Variants in RFX1 observed in about 807,000 individuals in gnomAD.
RFX1 encodes the protein regulatory factor X1.
A neutral mutation model predicts 119.6 loss-of-function variants in RFX1; 42 were observed. The observed-to-expected ratio is 0.35, with a 90% CI of 0.27 to 0.45. The LOEUF (loss-of-function observed/expected upper bound fraction) is 0.45. RFX1 is among the 20% of genes least tolerant of loss of function. The pLI is 1.00. For synonymous variants in RFX1, 628 were observed against 618.5 expected (o/e 1.02, Z -0.23); for missense variants, 1,118 against 1,368.1 (o/e 0.82, Z 2.88).
At chr19:13,981,792 G>A (rs554163064) in intron 5 of RFX1, among the ~76,000 whole-genome samples, 1 of 152,332 alleles carries the variant, frequency 6.6e-6, no homozygotes, top group East Asian at 1.9e-4. Flanking sequence ...CACCCTCCGG[G>A]GGGAAGAGGA....
At chr19:13,979,409 G>C in intron 7 of RFX1, 38 bp downstream of exon 7, 1 of 1,436,816 alleles carries the variant, frequency 7.0e-7, no homozygotes, top group East Asian at 2.5e-5. Context: ...CCCGGGACCA[G>C]CCCCTTTGCC....
intron 1 of RFX1, among the ~76,000 whole-genome samples, chr19:13,997,706 C>G (rs1188736438): frequency 6.6e-6 from 1 of 152,216 alleles, no homozygotes; most frequent in Non-Finnish European, 1.5e-5. Flanking sequence ...CTGGCAGGAA[C>G]AGAGCTGACA....
chr19:13,993,651 C>A lies in RFX1; in HGVS notation c.193G>T (p.Ala65Ser). 6.2e-7 allele frequency: 1 copy of A among 1,603,334 alleles called. No individual in the cohort carries two copies. The highest frequency in any genetic ancestry group is 8.5e-7 in the Non-Finnish European group (1 of 1,174,154). The change falls in exon 2 of 21, where the codon GCA becomes TCA. Residue 65 changes from alanine (A) to serine (S), a missense_variant. This residue lies in a region of RFX1 where 542 missense variants were observed against 602.7 expected (regional missense o/e 0.90). Coordinates refer to ENST00000254325, the MANE Select transcript of RFX1 (RefSeq NM_002918.5). ...TGCTTCTGGCCACCCGGTGGCTGTGCCTGGGGCTGGGGGCTCTGCAGCTCG... is the reference window on the plus strand; with the variant it reads ...TGCTTCTGGCCACCCGGTGGCTGTGACTGGGGCTGGGGGCTCTGCAGCTCG... ...VTELQSPQPQ[A>S]QPPGGQKQYV...
At position 13,990,678 on chromosome 19, in the gene RFX1, A is replaced by C. The variant is rs1247956436; in HGVS notation, c.319+2847T>G. Reference sequence around the variant, plus strand: ...TAAAAATACAAAAAATTAGCCAGGCATGGTGGCGGGCACCTATAGTCCCAG... The same window carrying C: ...TAAAAATACAAAAAATTAGCCAGGCCTGGTGGCGGGCACCTATAGTCCCAG... On this transcript the variant is annotated intron_variant, in intron 2 of 20. Transcript: ENST00000254325. The surrounding 1 kb of genome is among the most constrained non-coding windows in gnomAD (Gnocchi z 4.1). Among the ~76,000 whole-genome samples, 10 of 152,050 alleles carry C rather than the reference A, an allele frequency of 6.6e-5. No homozygotes were observed. The highest frequency in any genetic ancestry group is 5.9e-4 in the Admixed American group (9 of 15,256).
At chr19:13,977,707 G>A (rs1199672445) in intron 8 of RFX1, among the ~76,000 whole-genome samples, 3 of 151,292 alleles carry the variant, frequency 2.0e-5, no homozygotes, top group African/African-American at 2.4e-5. Context: ...GTGAGCCACC[G>A]TGCCTGGCCT....
In RFX1 at chr19:13,985,917, G is replaced by A. The variant is rs939255280; in HGVS notation, c.320-2322C>T. On this transcript the variant is annotated intron_variant, in intron 2 of 20. Coordinates refer to ENST00000254325, the MANE Select transcript of RFX1 (RefSeq NM_002918.5). The surrounding 1 kb of genome is among the most constrained non-coding windows in gnomAD (Gnocchi z 4.3). The stretch of plus-strand genomic sequence containing the variant: ...GTGGGAGGTGTTGGGGGAGGCCTCC[G>A]CGTAGCCGCATGTGGGCTGTGGGGC... Among the ~76,000 whole-genome samples, 3 of 152,234 alleles carry A rather than the reference G, an allele frequency of 2.0e-5. No homozygotes were observed. Among genetic ancestry groups the A allele is most frequent in the South Asian group, 2.1e-4 (1 of 4,830 alleles).
Position 13,962,326 on chromosome 19 carries a change from T to C in RFX1, c.*369A>G, listed in dbSNP as rs891090680. The stretch of plus-strand genomic sequence containing the variant: ...TGCAAAGCCAGCGAGCTGAATAAGT[T>C]AACAGTTTCGCACGGGAGGGGGCCT... On this transcript the variant is annotated 3_prime_UTR_variant, in exon 21 of 21. Coordinates refer to ENST00000254325, the MANE Select transcript of RFX1 (RefSeq NM_002918.5). 1.4e-4 allele frequency: 37 copies of C among 266,264 alleles called. No homozygotes were observed. The highest frequency in any genetic ancestry group is 8.6e-4 in the African/African-American group (37 of 42,940). 16.5% of individuals were successfully genotyped at this position (266,264 alleles called of 1,614,324 possible). A position where few individuals can be genotyped will look rare whatever the true frequency, so the allele number is the denominator to read the frequency against.
intron 1 of RFX1, among the ~76,000 whole-genome samples, chr19:14,003,097 C>T (rs566798488): frequency 4.6e-4 from 70 of 152,340 alleles, no homozygotes; most frequent in Non-Finnish European, 9.7e-4. Flanking sequence ...ATTCTCCTGC[C>T]TCAGCCTCCT....
intron 4 of RFX1, 113 bp from the exon 5 acceptor site, chr19:13,982,341 A>C: frequency 3.9e-5 from 19 of 492,104 alleles, no homozygotes; most frequent in Non-Finnish European, 5.7e-5. Flanking sequence ...CTGTTAGCTC[A>C]CAGAATCGCC....
chr19:13,978,117 AG>A (rs1489931017), intron 7 of RFX1, 31 bp from the exon 8 acceptor site: 8 of 1,547,258 alleles, frequency 5.2e-6, no homozygotes, highest in Middle Eastern at 1.7e-4. Flanking sequence ...GTGGAGGGTC[AG>A]GGGTGGGCCA....
chr19:13,980,698 G>A lies in RFX1; in HGVS notation c.622-9C>T. The A allele has an allele frequency of 8.6e-7, 1 of 1,158,446 alleles. No individual in the cohort carries two copies. The allele number at this position is 1,158,446 out of a possible 1,614,324, so 71.8% of individuals were successfully genotyped here. ...GCCTGCACCGGCGACTGCTGTAAGGGAAGGAGACACAGGAGTGCCGCTGGG... is the reference window on the plus strand; with the variant it reads ...GCCTGCACCGGCGACTGCTGTAAGGAAAGGAGACACAGGAGTGCCGCTGGG... On this transcript the variant is annotated splice_polypyrimidine_tract_variant and intron_variant, in intron 5 of 20. Coordinates refer to ENST00000254325, the MANE Select transcript of RFX1 (RefSeq NM_002918.5). The surrounding 1 kb of genome is among the most constrained non-coding windows in gnomAD (Gnocchi z 5.1).
In RFX1 at chr19:13,969,024, G is replaced by A. The variant is rs554455982; in HGVS notation, c.1497-130C>T. 4.1e-5 allele frequency: 44 copies of A among 1,068,300 alleles called. No homozygotes were observed. In the Middle Eastern group the frequency reaches 1.2e-3, roughly 30 times the overall value. The allele number at this position is 1,068,300 out of a possible 1,614,324, so 66.2% of individuals were successfully genotyped here. A position where few individuals can be genotyped will look rare whatever the true frequency, so the allele number is the denominator to read the frequency against. ...AGAGAGACGCCTGCCCTGCAGAGAC[G>A]GGGGTGCTGCACTGAGGAGGCACAG... On this transcript the variant is annotated intron_variant, in intron 10 of 20. Transcript: ENST00000254325. This position sits in a 1 kb window ranked among gnomAD's most constrained non-coding sequence, Gnocchi z 4.5.
rs1263001313 is a variant in RFX1 at position 13,978,045 on chromosome 19, G to A, written c.876C>T (p.Ser292=). The change falls in exon 8 of 21, where the codon TCC becomes TCT. Residue 292 remains serine, a synonymous_variant. Coordinates refer to ENST00000254325, the MANE Select transcript of RFX1 (RefSeq NM_002918.5). ...CGCCCTCCACATACTGCACCTGGCTGGAGTACACGTGTGGGACGGGCACCT... is the reference window on the plus strand; with the variant it reads ...CGCCCTCCACATACTGCACCTGGCTAGAGTACACGTGTGGGACGGGCACCT... ...LQQVPVPHVY[S]SQVQYVEGGD... The A allele has an allele frequency of 5.6e-6, 9 of 1,613,490 alleles. No homozygotes were observed. The highest frequency in any genetic ancestry group is 4.0e-5 in the African/African-American group (3 of 74,928).
chr19:13,972,678 T>C, intron 9 of RFX1, 65 bp downstream of exon 9: 1 of 1,309,052 alleles, frequency 7.6e-7, no homozygotes, highest in Non-Finnish European at 1.1e-6. Flanking sequence ...CGTCATGGAC[T>C]GGGCTTCTAG....
At chr19:14,002,675 T>C (rs1391373326) in intron 1 of RFX1, among the ~76,000 whole-genome samples, 1 of 152,154 alleles carries the variant, frequency 6.6e-6, no homozygotes, top group Non-Finnish European at 1.5e-5. Context: ...ACAAGCCTGC[T>C]TGTGCTACAG....
intron 8 of RFX1, among the ~76,000 whole-genome samples, chr19:13,974,009 A>C (rs182768703): frequency 6.6e-6 from 1 of 152,320 alleles, no homozygotes; most frequent in Admixed American, 6.5e-5. Context: ...CTTCATTAAA[A>C]AAATAAAATT....
intron 2 of RFX1, among the ~76,000 whole-genome samples, chr19:13,987,223 TCCG>T (rs1974629524): frequency 6.6e-6 from 1 of 151,970 alleles, no homozygotes; most frequent in South Asian, 2.1e-4. Flanking sequence ...GCACTCTCCT[TCCG>T]CCTTGGGTTC....
intron 8 of RFX1, 78 bp from the exon 9 acceptor site, chr19:13,973,205 G>GGGGTCCTA (rs1339927507): frequency 1.0e-6 from 1 of 968,348 alleles, no homozygotes; most frequent in Non-Finnish European, 1.5e-6. Context: ...TGCAGGAAGG[G>GGGGTCCTA]GGGTCCTAGG....
At chr19:13,992,025 C>G (rs1182378857) in intron 2 of RFX1, among the ~76,000 whole-genome samples, 3 of 152,148 alleles carry the variant, frequency 2.0e-5, no homozygotes. Context: ...TTGACCCACC[C>G]CTTCCACAGC....
Sources: allele counts gnomAD v4.1 joint callset (sites outside exome capture counted in the v4.1 genomes callset), GRCh38; gene constraint gnomAD v4.1.1; regional missense constraint gnomAD v4.1.1; non-coding constraint Gnocchi (gnomAD v3.1); transcripts MANE v1.5; gene names NCBI Gene and HGNC (gene_info 2026-07-23, HGNC 2026-07-21).